Variants in CDKAL1 observed in about 807,000 individuals in gnomAD.
CDKAL1 encodes CDKAL1 threonylcarbamoyladenosine tRNA methylthiotransferase.
In CDKAL1, 32 loss-of-function variants were observed where a neutral mutation model predicts 68.2. The ratio of observed to expected loss-of-function variants is 0.47; its 90% confidence interval spans 0.35 to 0.63. The LOEUF is 0.63. CDKAL1 is among the 30% of genes least tolerant of loss of function. The probability of loss-of-function intolerance (pLI) is 0.00; values close to 1 mark genes in which losing one functional copy is unlikely to be tolerated. For missense variants in CDKAL1, 606 were observed against 696.7 expected, an observed-to-expected ratio of 0.87 and a Z score of 1.47; for synonymous variants, 234 against 244.3, an observed-to-expected ratio of 0.96 and a Z score of 0.39.
chr6:20,758,977 CT>C (rs1423532893), intron 7 of CDKAL1, among the ~76,000 whole-genome samples: 9 of 151,920 alleles, frequency 5.9e-5, no homozygotes, highest in African/African-American at 2.2e-4. Context: ...CCTGGGATCT[CT>C]GGGGGAGAAA....
intron 8 of CDKAL1, among the ~76,000 whole-genome samples, chr6:20,784,262 C>T (rs1453388150): frequency 6.6e-6 from 1 of 151,288 alleles, no homozygotes; most frequent in Non-Finnish European, 1.5e-5. Context: ...TACTTTTTCC[C>T]ATATACTTTA....
intron 4 of CDKAL1, among the ~76,000 whole-genome samples, chr6:20,551,856 G>A (rs1181192694): frequency 1.3e-5 from 2 of 151,908 alleles, no homozygotes; most frequent in Admixed American, 6.6e-5. Context: ...TTCTGATGGT[G>A]TAGTTTGAGT....
intron 15 of CDKAL1, among the ~76,000 whole-genome samples, chr6:21,225,019 A>C (rs1870421): frequency 0.11 from 17,248 of 152,134 alleles, 2,078 homozygotes; most frequent in African/African-American, 0.31. Flanking sequence ...GCATTCAGCT[A>C]ACACTGGCCC....
At chr6:21,164,440 GCCACTGTAA>G (rs1025137131) in intron 13 of CDKAL1, among the ~76,000 whole-genome samples, 6 of 151,650 alleles carry the variant, frequency 4.0e-5, no homozygotes, top group African/African-American at 1.5e-4. Flanking sequence ...CCCTATAGCA[GCCACTGTAA>G]CCTACAAAAG....
intron 2 of CDKAL1, among the ~76,000 whole-genome samples, chr6:20,537,730 A>G (rs7753499): frequency 0.067 from 10,231 of 151,628 alleles, 476 homozygotes; most frequent in African/African-American, 0.13. Context: ...CACTGACTCT[A>G]TTTTTATTCC....
intron 10 of CDKAL1, among the ~76,000 whole-genome samples, chr6:20,997,194 C>T (rs566033277): frequency 2.0e-4 from 31 of 152,184 alleles, no homozygotes; most frequent in Middle Eastern, 6.8e-3. Flanking sequence ...ATTGTATTGC[C>T]AGGAAGAGCT....
At position 20,772,603 on chromosome 6, in the gene CDKAL1, C is replaced by T. The variant is rs189692421; in HGVS notation, c.518-8542C>T. Among the ~76,000 whole-genome samples the T allele has an allele frequency of 2.3e-3, 349 of 152,256 alleles. 2 individuals are homozygous for T. The highest frequency in any genetic ancestry group is 6.0e-3 in the Admixed American group (92 of 15,292). On this transcript the variant is annotated intron_variant, in intron 7 of 15. Transcript: ENST00000274695. ...TATATGTATCCTTTGTTTAATGTAACTTAATTATTAGTTATACCATTGATA... is the reference window on the plus strand; with the variant it reads ...TATATGTATCCTTTGTTTAATGTAATTTAATTATTAGTTATACCATTGATA...
At chr6:20,601,906 G>A (rs1252165981) in intron 4 of CDKAL1, among the ~76,000 whole-genome samples, 1 of 152,070 alleles carries the variant, frequency 6.6e-6, no homozygotes. Context: ...TACAGTAGTT[G>A]TTATTGGCTT....
chr6:20,648,654 A>G (rs113455979), intron 4 of CDKAL1, among the ~76,000 whole-genome samples: 1,588 of 152,280 alleles, frequency 0.01, 28 homozygotes, highest in African/African-American at 0.036. Flanking sequence ...TGGTAATCCT[A>G]TTTTAATATA....
Position 20,963,293 on chromosome 6 carries a change from A to G in CDKAL1, c.909+7708A>G, listed in dbSNP as rs559390932. The stretch of plus-strand genomic sequence containing the variant: ...CTGGGTTTGAGCAGCAGGAAGCTTT[A>G]GTTAGGCCCTTCCACTAAAAAAAAA... On this transcript the variant is annotated intron_variant, in intron 10 of 15. Coordinates refer to ENST00000274695, the MANE Select transcript of CDKAL1 (RefSeq NM_017774.3). 2.0e-5 allele frequency among the ~76,000 whole-genome samples: 3 copies of G among 150,996 alleles called. No individual in the cohort carries two copies. In the East Asian group the frequency reaches 5.8e-4, roughly 29 times the overall value.
intron 15 of CDKAL1, among the ~76,000 whole-genome samples, chr6:21,229,124 T>C (rs1236180440): frequency 6.6e-6 from 1 of 152,308 alleles, no homozygotes; most frequent in South Asian, 2.1e-4. Flanking sequence ...AGACTTTTCC[T>C]TGTGGCTAAC....
chr6:21,084,547 C>T (rs1273239478), intron 12 of CDKAL1, among the ~76,000 whole-genome samples: 1 of 152,146 alleles, frequency 6.6e-6, no homozygotes, highest in Non-Finnish European at 1.5e-5. Flanking sequence ...ACCAAATCTG[C>T]CTGGGTATGA....
chr6:20,856,758 A>G (rs989941804), intron 9 of CDKAL1, among the ~76,000 whole-genome samples: 6 of 152,138 alleles, frequency 3.9e-5, no homozygotes, highest in African/African-American at 9.7e-5. Flanking sequence ...AAAGGCTGCA[A>G]GTTGGTTTTG....
intron 4 of CDKAL1, among the ~76,000 whole-genome samples, chr6:20,623,679 A>C (rs1227968536): frequency 1.3e-5 from 2 of 152,082 alleles, no homozygotes; most frequent in Non-Finnish European, 2.9e-5. Context: ...TTGGTTCCTA[A>C]GTCATGGTTT....
intron 4 of CDKAL1, among the ~76,000 whole-genome samples, chr6:20,575,630 A>G (rs898147837): frequency 2.0e-5 from 3 of 152,096 alleles, no homozygotes; most frequent in African/African-American, 7.2e-5. Flanking sequence ...CATTAATATT[A>G]TATCTTTTTG....
At chr6:21,123,564 A>G (rs1227220909) in intron 13 of CDKAL1, among the ~76,000 whole-genome samples, 2 of 152,230 alleles carry the variant, frequency 1.3e-5, no homozygotes, top group Non-Finnish European at 2.9e-5. Flanking sequence ...CTTGAGTCAG[A>G]GTCTTGTTAA....
intron 5 of CDKAL1, among the ~76,000 whole-genome samples, chr6:20,702,748 G>T (rs992439348): frequency 6.6e-6 from 1 of 152,154 alleles, no homozygotes; most frequent in Non-Finnish European, 1.5e-5. Context: ...CACACGATGG[G>T]GTGTGGCCGG....
chr6:20,609,855 G>A (rs912942218), intron 4 of CDKAL1, among the ~76,000 whole-genome samples: 3 of 152,048 alleles, frequency 2.0e-5, no homozygotes, highest in Non-Finnish European at 4.4e-5. Context: ...ATGAGGGTTC[G>A]TTGTACAGAT....
At chr6:21,165,743 A>G (rs1777124709) in intron 13 of CDKAL1, among the ~76,000 whole-genome samples, 1 of 152,216 alleles carries the variant, frequency 6.6e-6, no homozygotes, top group South Asian at 2.1e-4. Flanking sequence ...GCCTGAGTCA[A>G]GGAGGCTACT....
Sources: allele counts gnomAD v4.1 joint callset (sites outside exome capture counted in the v4.1 genomes callset), GRCh38; gene constraint gnomAD v4.1.1; transcripts MANE v1.5; gene names NCBI Gene and HGNC (gene_info 2026-07-23, HGNC 2026-07-21).